TSHZ2: variants seen among roughly 807,000 people sequenced by gnomAD.
The protein encoded by TSHZ2 is teashirt zinc finger homeobox 2.
A neutral mutation model predicts 74.4 loss-of-function variants in TSHZ2; 21 were observed. The ratio of observed to expected loss-of-function variants is 0.28; its 90% CI spans 0.20 to 0.41. The LOEUF is 0.41. TSHZ2 is among the 10% of genes least tolerant of loss of function. TSHZ2 has a pLI of 1.00. For missense variants in TSHZ2, 1,244 were observed against 1,293.5 expected (o/e 0.96, Z 0.59); for synonymous variants, 540 against 515.3 (o/e 1.05, Z -0.65).
chr20:53,393,590 C>A (rs1050074818), intron 2 of TSHZ2, among the ~76,000 whole-genome samples: 3 of 152,032 alleles, frequency 2.0e-5, no homozygotes, highest in Non-Finnish European at 4.4e-5. Flanking sequence ...TTGTTCCAAG[C>A]AGTCTGTATC....
intron 2 of TSHZ2, among the ~76,000 whole-genome samples, chr20:53,291,138 G>A (rs566612850): frequency 1.7e-4 from 26 of 152,098 alleles, no homozygotes; most frequent in Non-Finnish European, 2.5e-4. Context: ...ACCAATTCAC[G>A]GTGAGGGGTG....
intron 2 of TSHZ2, among the ~76,000 whole-genome samples, chr20:53,404,693 A>G (rs1982780606): frequency 2.0e-5 from 3 of 152,312 alleles, no homozygotes; most frequent in East Asian, 1.9e-4. Context: ...ACACATAAAT[A>G]TAATTACATA....
intron 2 of TSHZ2, among the ~76,000 whole-genome samples, chr20:53,328,150 T>C (rs868795584): frequency 1.3e-5 from 2 of 152,184 alleles, no homozygotes; most frequent in African/African-American, 4.8e-5. Flanking sequence ...CACTCTTCCA[T>C]CATGACCAGT....
chr20:53,102,723 T>C (rs536369191), intron 1 of TSHZ2, among the ~76,000 whole-genome samples: 6 of 152,216 alleles, frequency 3.9e-5, no homozygotes, highest in Non-Finnish European at 8.8e-5. Flanking sequence ...ATTTAATATG[T>C]AAAAAAGTTA....
At chr20:53,295,942 A>T (rs1048357014) in intron 2 of TSHZ2, among the ~76,000 whole-genome samples, 1 of 151,712 alleles carries the variant, frequency 6.6e-6, no homozygotes, top group Non-Finnish European at 1.5e-5. Flanking sequence ...TGGACCTCCT[A>T]AAAGTTTCTC....
Position 53,202,255 on chromosome 20 carries a change from TCA to T in TSHZ2, c.41-51242_41-51241del, listed in dbSNP as rs551952549. 3.7e-4 allele frequency among the ~76,000 whole-genome samples: 57 copies of T among 152,320 alleles called. No homozygotes were observed. The Middle Eastern group carries it at 0.01, about 27-fold the overall frequency. On this transcript the variant is annotated intron_variant, in intron 1 of 2. Coordinates refer to ENST00000371497, the MANE Select transcript of TSHZ2 (RefSeq NM_173485.6). Reference sequence around the variant, plus strand: ...TGGCTTTGGTTTTATAATTATAGTCTCACTACACCTTTGCTTGGCCATTGTGG... The same window carrying T: ...TGGCTTTGGTTTTATAATTATAGTCTCTACACCTTTGCTTGGCCATTGTGG...
chr20:53,434,609 G>C (rs753031774), intron 2 of TSHZ2, among the ~76,000 whole-genome samples: 1 of 152,212 alleles, frequency 6.6e-6, no homozygotes, highest in Non-Finnish European at 1.5e-5. Context: ...TGTTTTCTAC[G>C]TGTAGTGGTT....
intron 2 of TSHZ2, among the ~76,000 whole-genome samples, chr20:53,320,019 G>A (rs1024609512): frequency 6.6e-6 from 1 of 152,122 alleles, no homozygotes; most frequent in African/African-American, 2.4e-5. Flanking sequence ...CACCCTTTCT[G>A]GGCCATCAAC....
intron 2 of TSHZ2, among the ~76,000 whole-genome samples, chr20:53,393,290 G>A (rs1183584981): frequency 2.6e-5 from 4 of 152,110 alleles, no homozygotes; most frequent in Admixed American, 6.6e-5. Context: ...GCATTAATCC[G>A]CTTAGTATAA....
chr20:53,471,556 C>G (rs1017279660), intron 2 of TSHZ2, among the ~76,000 whole-genome samples: 3 of 152,148 alleles, frequency 2.0e-5, no homozygotes, highest in Non-Finnish European at 2.9e-5. Context: ...TAAGAAAAGA[C>G]TTATTTGAGA....
At chr20:53,069,794 G>C (rs982256618) in intron 1 of TSHZ2, among the ~76,000 whole-genome samples, 2 of 150,268 alleles carry the variant, frequency 1.3e-5, no homozygotes, top group African/African-American at 4.9e-5. Flanking sequence ...TTTGACAGTT[G>C]GATGCTTGAA....
chr20:52,978,277 G>T (rs986561858), intron 1 of TSHZ2, among the ~76,000 whole-genome samples: 25 of 152,262 alleles, frequency 1.6e-4, no homozygotes, highest in African/African-American at 6.0e-4. Flanking sequence ...CCATTGAAAT[G>T]ATGCCTCACT....
intron 2 of TSHZ2, among the ~76,000 whole-genome samples, chr20:53,469,799 A>G (rs151005198): frequency 0.011 from 1,498 of 132,910 alleles, 60 homozygotes; most frequent in Non-Finnish European, 0.019. Context: ...GAAGGAAGGA[A>G]GGAAGGACCC....
chr20:53,328,939 A>T (rs1011897583), intron 2 of TSHZ2, among the ~76,000 whole-genome samples: 2 of 152,192 alleles, frequency 1.3e-5, no homozygotes, highest in Admixed American at 1.3e-4. Flanking sequence ...GTGAATAGTT[A>T]ATTGAATCAG....
intron 2 of TSHZ2, among the ~76,000 whole-genome samples, chr20:53,273,975 T>C (rs1418491386): frequency 6.6e-6 from 1 of 152,074 alleles, no homozygotes; most frequent in African/African-American, 2.4e-5. Context: ...GAGGAATCCA[T>C]TCCGATAAAA....
chr20:53,413,186 G>C (rs1983114181), intron 2 of TSHZ2, among the ~76,000 whole-genome samples: 1 of 152,226 alleles, frequency 6.6e-6, no homozygotes, highest in Admixed American at 6.5e-5. Context: ...TCCTCAGAGA[G>C]AGCTGGGGTG....
At chr20:53,218,986 T>A (rs758006641) in intron 1 of TSHZ2, among the ~76,000 whole-genome samples, 7 of 152,280 alleles carry the variant, frequency 4.6e-5, no homozygotes, top group Admixed American at 1.3e-4. Flanking sequence ...AATCAGCTGA[T>A]TCAAAACAAG....
chr20:53,415,478 G>GGCACCCCAT (rs1482761933), intron 2 of TSHZ2, among the ~76,000 whole-genome samples: 2 of 151,612 alleles, frequency 1.3e-5, no homozygotes, highest in African/African-American at 2.4e-5. Context: ...TCTTCCTCCA[G>GGCACCCCAT]GCACCCCATG....
At chr20:53,288,441 A>C (rs1036204018) in intron 2 of TSHZ2, among the ~76,000 whole-genome samples, 2 of 152,058 alleles carry the variant, frequency 1.3e-5, no homozygotes, top group African/African-American at 4.8e-5. Flanking sequence ...GCTACTGTTC[A>C]ATAAGTTTTA....
Sources: allele counts gnomAD v4.1 joint callset (sites outside exome capture counted in the v4.1 genomes callset), GRCh38; gene constraint gnomAD v4.1.1; transcripts MANE v1.5; gene names NCBI Gene and HGNC (gene_info 2026-07-23, HGNC 2026-07-21).